RBFOX1: variants seen among roughly 807,000 people sequenced by gnomAD.
The protein encoded by RBFOX1 is RNA binding protein fox-1 homolog 1.
In RBFOX1, 8 loss-of-function variants were observed where a neutral mutation model predicts 57.7. The observed-to-expected ratio is 0.14, with a 90% CI of 0.08 to 0.25. The LOEUF (loss-of-function observed/expected upper bound fraction) is 0.25. RBFOX1 is among the 10% of genes least tolerant of loss of function. The pLI is 1.00. For missense variants in RBFOX1, 611 were observed against 548.5 expected (o/e 1.11, Z -1.14); for synonymous variants, 326 against 222.4 (o/e 1.47, Z -4.15).
chr16:6,837,289 G>C, intron 3 of RBFOX1, among the ~76,000 whole-genome samples: 1 of 152,172 alleles, frequency 6.6e-6, no homozygotes, highest in South Asian at 2.1e-4. Flanking sequence ...TCCACGAGGT[G>C]GCTCAAGACC....
At chr16:5,969,477 A>ATTTTTTTT (rs34622040) in intron 4 of RBFOX1, among the ~76,000 whole-genome samples, 1 of 117,040 alleles carries the variant, frequency 8.5e-6, no homozygotes. Context: ...ACGCCTGGCT[A>ATTTTTTTT]TTTTTTTTTT....
At chr16:5,735,048 A>G (rs2052521742) in intron 3 of RBFOX1, among the ~76,000 whole-genome samples, 1 of 152,228 alleles carries the variant, frequency 6.6e-6, no homozygotes, top group Non-Finnish European at 1.5e-5. Context: ...TGTGAAGTCC[A>G]CAGTGGTAGG....
chr16:5,276,108 C>T (rs1038855100), intron 1 of RBFOX1, among the ~76,000 whole-genome samples: 2 of 152,146 alleles, frequency 1.3e-5, no homozygotes, highest in African/African-American at 4.8e-5. Context: ...GAAAACGTTT[C>T]TACACATTGG....
intron 13 of RBFOX1, among the ~76,000 whole-genome samples, chr16:7,666,137 A>G (rs910173019): frequency 4.6e-5 from 7 of 152,242 alleles, no homozygotes; most frequent in Admixed American, 2.6e-4. Flanking sequence ...ATTTTAAATT[A>G]TGAGGCAGGC....
chr16:7,499,095 G>A (rs1051007521), intron 4 of RBFOX1, among the ~76,000 whole-genome samples: 4 of 152,052 alleles, frequency 2.6e-5, no homozygotes, highest in African/African-American at 9.7e-5. Flanking sequence ...CCACAAACTG[G>A]GTGACTTGAA....
intron 2 of RBFOX1, among the ~76,000 whole-genome samples, chr16:5,536,815 G>A (rs1186087180): frequency 2.0e-5 from 3 of 151,946 alleles, no homozygotes; most frequent in East Asian, 1.9e-4. Flanking sequence ...GGTAAGGAAG[G>A]GGGGAGTTGG....
chr16:6,814,255 G>GGC (rs2089528947), intron 3 of RBFOX1, among the ~76,000 whole-genome samples: 1 of 140,944 alleles, frequency 7.1e-6, no homozygotes, highest in African/African-American at 2.5e-5. Context: ...TGTGGTGGGG[G>GGC]GGAGGGAGGA....
At chr16:7,029,600 T>C (rs2042272272) in intron 3 of RBFOX1, among the ~76,000 whole-genome samples, 2 of 152,148 alleles carry the variant, frequency 1.3e-5, no homozygotes. Flanking sequence ...GATCATTAAG[T>C]ATCATTGACA....
At chr16:6,287,652 C>T (rs950686644) in intron 1 of RBFOX1, among the ~76,000 whole-genome samples, 1 of 152,092 alleles carries the variant, frequency 6.6e-6, no homozygotes, top group Non-Finnish European at 1.5e-5. Flanking sequence ...TCTTGCAGAT[C>T]GCCAGCTCAG....
intron 4 of RBFOX1, among the ~76,000 whole-genome samples, chr16:5,934,780 C>T (rs73521351): frequency 0.042 from 6,413 of 152,178 alleles, 472 homozygotes; most frequent in African/African-American, 0.15. Flanking sequence ...CAGACCAAGG[C>T]TGCACGATGG....
intron 3 of RBFOX1, among the ~76,000 whole-genome samples, chr16:5,609,383 G>A (rs1318066357): frequency 6.6e-6 from 1 of 152,182 alleles, no homozygotes; most frequent in African/African-American, 2.4e-5. Context: ...GTCTGAGACA[G>A]GAGTGGAATG....
rs575935212 is a variant in RBFOX1 at position 5,423,763 on chromosome 16, T to G, written c.220-43453T>G. Among the ~76,000 whole-genome samples the G allele has an allele frequency of 2.6e-5, 4 of 152,320 alleles. No individual in the cohort carries two copies. In the South Asian group the frequency reaches 8.3e-4, roughly 32 times the overall value. ...GAATCATCTTGTGAAATTGGCTCTT[T>G]TTATAAATCATCCTCTCCCTGTTTC... is the stretch of plus-strand genomic sequence containing the variant. On this transcript the variant is annotated intron_variant, in intron 1 of 2. Coordinates refer to the RBFOX1 transcript ENST00000585867.
chr16:5,919,046 C>T (rs1001909393), intron 4 of RBFOX1, among the ~76,000 whole-genome samples: 1 of 152,188 alleles, frequency 6.6e-6, no homozygotes, highest in Admixed American at 6.5e-5. Context: ...CATATATCCA[C>T]GTCTTTCCCA....
chr16:5,983,227 G>C (rs993729039), intron 4 of RBFOX1, among the ~76,000 whole-genome samples: 1 of 152,352 alleles, frequency 6.6e-6, no homozygotes, highest in Admixed American at 6.5e-5. Context: ...GAAATCCTCA[G>C]AAAGTGGCAG....
At chr16:6,728,168 G>C (rs2067681541) in intron 3 of RBFOX1, among the ~76,000 whole-genome samples, 1 of 152,080 alleles carries the variant, frequency 6.6e-6, no homozygotes, top group South Asian at 2.1e-4. Flanking sequence ...ATGCTTTTTG[G>C]AAAATTACTT....
intron 1 of RBFOX1, among the ~76,000 whole-genome samples, chr16:5,242,224 T>C (rs1159170828): frequency 6.6e-6 from 1 of 152,146 alleles, no homozygotes; most frequent in Non-Finnish European, 1.5e-5. Context: ...TAATGAAATA[T>C]TTAAAAGGCA....
chr16:6,997,217 G>C (rs1051695415), intron 3 of RBFOX1, among the ~76,000 whole-genome samples: 1 of 152,110 alleles, frequency 6.6e-6, no homozygotes, highest in African/African-American at 2.4e-5. Context: ...TTTCTTAAGA[G>C]ATGGTAAGTC....
chr16:5,585,384 C>T (rs891797011), intron 2 of RBFOX1, among the ~76,000 whole-genome samples: 1 of 152,172 alleles, frequency 6.6e-6, no homozygotes, highest in South Asian at 2.1e-4. Flanking sequence ...ATGGCTGAGC[C>T]ATGTTTTATT....
intron 4 of RBFOX1, among the ~76,000 whole-genome samples, chr16:7,392,593 C>A (rs1000755918): frequency 6.6e-6 from 1 of 152,200 alleles, no homozygotes; most frequent in African/African-American, 2.4e-5. Context: ...GATGGCCCCT[C>A]CTTCTTCTTG....
Sources: allele counts gnomAD v4.1 joint callset (sites outside exome capture counted in the v4.1 genomes callset), GRCh38; gene constraint gnomAD v4.1.1; transcripts MANE v1.5; gene names NCBI Gene and HGNC (gene_info 2026-07-23, HGNC 2026-07-21).